The following AKAP19 variants were observed in gnomAD, a reference collection of about 807,000 sequenced individuals.
The protein encoded by AKAP19 is A-kinase anchoring protein 19.
chr2:189,923,631 G>T, the AKAP19 span: 1 of 1,614,108 alleles, frequency 6.2e-7, no homozygotes, highest in Non-Finnish European at 8.5e-7. Flanking sequence ...GGTGTGAAAC[G>T]ATCTGCAGCG....
the AKAP19 span, among the ~76,000 whole-genome samples, chr2:190,040,142 G>A: frequency 1.2e-4 from 18 of 152,056 alleles, no homozygotes; most frequent in Non-Finnish European, 1.0e-4. Flanking sequence ...TCCCACCAAC[G>A]GCGTATAAGT....
the AKAP19 span, among the ~76,000 whole-genome samples, chr2:190,114,519 G>C: frequency 6.6e-6 from 1 of 152,118 alleles, no homozygotes; most frequent in African/African-American, 2.4e-5. Flanking sequence ...CCAGTGGCGC[G>C]ATCTCGGCTC....
the AKAP19 span, among the ~76,000 whole-genome samples, chr2:189,895,964 G>A: frequency 2.0e-5 from 3 of 148,794 alleles, no homozygotes; most frequent in Admixed American, 6.7e-5. Flanking sequence ...AGCCAAGATC[G>A]TGCCACTGCA....
chr2:190,199,834 C>T, the AKAP19 span: 1 of 1,605,300 alleles, frequency 6.2e-7, no homozygotes, highest in Non-Finnish European at 8.5e-7. Flanking sequence ...TTTGCCACTG[C>T]TTCCTCCACA....
At chr2:189,948,355 A>G in the AKAP19 span, among the ~76,000 whole-genome samples, 1 of 120,140 alleles carries the variant, frequency 8.3e-6, no homozygotes, top group Admixed American at 1.0e-4. Flanking sequence ...AGCTTAGAGG[A>G]CATATGCCTG....
At chr2:189,932,366 C>T in the AKAP19 span, among the ~76,000 whole-genome samples, 1 of 149,896 alleles carries the variant, frequency 6.7e-6, no homozygotes, top group Admixed American at 6.7e-5. Context: ...CGAGATCGCA[C>T]CATTGCACTC....
chr2:189,884,306 T>C, the AKAP19 span, among the ~76,000 whole-genome samples: 89 of 152,312 alleles, frequency 5.8e-4, no homozygotes, highest in Non-Finnish European at 1.1e-3. Flanking sequence ...AAGATGGTGA[T>C]GCTGTACTGT....
chr2:190,078,649 G>A, the AKAP19 span, among the ~76,000 whole-genome samples: 2 of 151,558 alleles, frequency 1.3e-5, no homozygotes, highest in East Asian at 3.9e-4. Context: ...TCAAAATCAG[G>A]ATAAGCATGA....
At chr2:189,894,728 T>C in the AKAP19 span, among the ~76,000 whole-genome samples, 1 of 151,148 alleles carries the variant, frequency 6.6e-6, no homozygotes, top group Non-Finnish European at 1.5e-5. Context: ...ATACATATCA[T>C]TATGTTATAT....
At chr2:189,995,490 T>TA in the AKAP19 span, among the ~76,000 whole-genome samples, 1 of 152,196 alleles carries the variant, frequency 6.6e-6, no homozygotes, top group Non-Finnish European at 1.5e-5. Flanking sequence ...CCTTTTACCT[T>TA]AAGTTTACAT....
the AKAP19 span, among the ~76,000 whole-genome samples, chr2:190,010,630 T>C: frequency 9.2e-5 from 14 of 152,308 alleles, no homozygotes; most frequent in African/African-American, 3.1e-4. Flanking sequence ...GTCACTGTGG[T>C]TGTATAGAAA....
the AKAP19 span, among the ~76,000 whole-genome samples, chr2:190,121,620 C>T: frequency 6.6e-6 from 1 of 152,030 alleles, no homozygotes; most frequent in East Asian, 1.9e-4. Flanking sequence ...ATAAAAAGTG[C>T]CAAGTTCCTT....
chr2:190,127,988 T>C, the AKAP19 span, among the ~76,000 whole-genome samples: 1 of 152,114 alleles, frequency 6.6e-6, no homozygotes, highest in East Asian at 1.9e-4. Flanking sequence ...AATAAGTTTA[T>C]ACAAAATAAA....
chr2:190,117,687 CT>C, the AKAP19 span, among the ~76,000 whole-genome samples: 1 of 152,196 alleles, frequency 6.6e-6, no homozygotes, highest in Non-Finnish European at 1.5e-5. Flanking sequence ...TTAAATAATT[CT>C]TTTAGATAGC....
chr2:189,935,739 A>C, the AKAP19 span, among the ~76,000 whole-genome samples: 1 of 152,124 alleles, frequency 6.6e-6, no homozygotes, highest in African/African-American at 2.4e-5. Flanking sequence ...CACATTTCAC[A>C]TACTTTTTCA....
At chr2:189,971,239 TTTTTTGTCC>T in the AKAP19 span, among the ~76,000 whole-genome samples, 77 of 152,244 alleles carry the variant, frequency 5.1e-4, 1 homozygote, top group African/African-American at 1.8e-3. Context: ...TGGTGTTTGG[TTTTTTGTCC>T]TTGCGATAGT....
At chr2:190,132,367 G>C in the AKAP19 span, among the ~76,000 whole-genome samples, 1 of 152,104 alleles carries the variant, frequency 6.6e-6, no homozygotes, top group African/African-American at 2.4e-5. Context: ...CAAAGCTGGA[G>C]GCATCACACT....
At chr2:190,083,144 C>A in the AKAP19 span, among the ~76,000 whole-genome samples, 1 of 152,058 alleles carries the variant, frequency 6.6e-6, no homozygotes, top group South Asian at 2.1e-4. Context: ...TTTGGGAGGC[C>A]AAGGCGGGTG....
the AKAP19 span, among the ~76,000 whole-genome samples, chr2:190,058,119 T>A: frequency 6.6e-6 from 1 of 152,010 alleles, no homozygotes; most frequent in East Asian, 1.9e-4. Context: ...TCAGGAAAAC[T>A]TGGACAATAA....
Sources: allele counts gnomAD v4.1 joint callset (sites outside exome capture counted in the v4.1 genomes callset), GRCh38; gene constraint gnomAD v4.1.1; transcripts MANE v1.5; gene names NCBI Gene and HGNC (gene_info 2026-07-23, HGNC 2026-07-21).